CERS3: variants seen among roughly 807,000 people sequenced by gnomAD.
CERS3 encodes the protein ceramide synthase 3, also known as LAG1 homolog, ceramide synthase 3.
A neutral mutation model predicts 50.3 loss-of-function variants in CERS3; 33 were observed. The observed-to-expected ratio is 0.66, with a 90% confidence interval of 0.50 to 0.88. CERS3 has a LOEUF of 0.88. Ranked by LOEUF, CERS3 falls within the 40% of genes least tolerant of loss-of-function variation. The pLI is 0.00. For missense variants in CERS3, 470 were observed against 460.3 expected (o/e 1.02, Z -0.19); for synonymous variants, 176 against 155.2 (o/e 1.13, Z -0.99).
chr15:100,498,353 GAAGA>G (rs1045196028), intron 3 of CERS3, among the ~76,000 whole-genome samples: 3 of 152,122 alleles, frequency 2.0e-5, no homozygotes, highest in Non-Finnish European at 4.4e-5. Context: ...AAGAAGGAGA[GAAGA>G]AAGAAGCACA....
intron 11 of CERS3, among the ~76,000 whole-genome samples, chr15:100,417,047 C>A (rs144211933): frequency 2.0e-5 from 3 of 152,248 alleles, no homozygotes; most frequent in Non-Finnish European, 4.4e-5. Flanking sequence ...CCAGTCAGAA[C>A]GGCTATGAAT....
chr15:100,477,556 C>G (rs975833001), intron 7 of CERS3, among the ~76,000 whole-genome samples: 4 of 152,142 alleles, frequency 2.6e-5, no homozygotes, highest in African/African-American at 7.2e-5. Flanking sequence ...AAGAAAAATG[C>G]ACTAGAGCGA....
intron 2 of CERS3, among the ~76,000 whole-genome samples, chr15:100,502,960 G>A (rs543597558): frequency 1.3e-5 from 2 of 152,286 alleles, no homozygotes; most frequent in Non-Finnish European, 2.9e-5. Context: ...GGAAAATGGG[G>A]AAGAAGGAAT....
chr15:100,447,685 T>A (rs1347835306), intron 11 of CERS3, among the ~76,000 whole-genome samples: 1 of 152,220 alleles, frequency 6.6e-6, no homozygotes, highest in African/African-American at 2.4e-5. Flanking sequence ...AATGAAACAT[T>A]TCCTGGTCCC....
chr15:100,461,066 AG>A (rs2034533382), intron 10 of CERS3, among the ~76,000 whole-genome samples: 3 of 152,150 alleles, frequency 2.0e-5, no homozygotes, highest in Admixed American at 1.3e-4. Context: ...AGGCCTTGCA[AG>A]TCAGGGTGGA....
At chr15:100,483,142 T>C (rs72759134) in intron 5 of CERS3, among the ~76,000 whole-genome samples, 6,313 of 152,306 alleles carry the variant, frequency 0.041, 183 homozygotes, top group Non-Finnish European at 0.055. Context: ...GTCCAACCTA[T>C]GTCTTCCCTT....
chr15:100,502,756 C>T (rs1274965598), intron 2 of CERS3, among the ~76,000 whole-genome samples: 2 of 151,922 alleles, frequency 1.3e-5, no homozygotes, highest in East Asian at 1.9e-4. Context: ...ATAATAGTCT[C>T]GTAAGCAAGG....
chr15:100,426,839 T>C (rs770395553), intron 11 of CERS3, among the ~76,000 whole-genome samples: 8 of 152,192 alleles, frequency 5.3e-5, no homozygotes, highest in Non-Finnish European at 8.8e-5. Flanking sequence ...ATTTAGCAAA[T>C]GGTACTCCCA....
In CERS3 at chr15:100,458,912, C is replaced by A. The variant is rs75414426; in HGVS notation, c.846-2866G>T. 1.2e-4 allele frequency among the ~76,000 whole-genome samples: 19 copies of A among 152,274 alleles called. No individual in the cohort carries two copies. In the East Asian group the frequency reaches 3.7e-3, roughly 29 times the overall value. On this transcript the variant is annotated intron_variant, in intron 10 of 11. Transcript: ENST00000679737. The stretch of plus-strand genomic sequence containing the variant: ...AACAAAGCTACATATCAAGAGTTAG[C>A]AAACTTGTTTGTAAAGGAAAAGATA...
In CERS3 at chr15:100,479,491, A is replaced by G. The variant is rs1485933543; in HGVS notation, c.466-13T>C. ...ATAGCCAAGGTTTCTGAAAGAAGAA[A>G]AAAAAAAAGAGCCAACAGATGAGAA... On this transcript the variant is annotated splice_polypyrimidine_tract_variant and intron_variant, in intron 6 of 11. Coordinates refer to ENST00000679737, the MANE Select transcript of CERS3 (RefSeq NM_001378789.1). The G allele has an allele frequency of 4.4e-6, 7 of 1,583,802 alleles. No homozygotes were observed. Among genetic ancestry groups the G allele is most frequent in the Middle Eastern group, 1.7e-4 (1 of 5,884 alleles).
intron 11 of CERS3, among the ~76,000 whole-genome samples, chr15:100,415,055 C>T (rs921752246): frequency 1.3e-5 from 2 of 152,070 alleles, no homozygotes; most frequent in Non-Finnish European, 1.5e-5. Context: ...GGGCTAATAT[C>T]CAGAACCTAC....
chr15:100,406,885 T>C (rs1302716278), intron 11 of CERS3, among the ~76,000 whole-genome samples: 1 of 152,170 alleles, frequency 6.6e-6, no homozygotes, highest in Non-Finnish European at 1.5e-5. Flanking sequence ...CTCACAATCA[T>C]GGCAGAAAGC....
intron 3 of CERS3, among the ~76,000 whole-genome samples, chr15:100,499,648 A>G: frequency 6.6e-6 from 1 of 152,212 alleles, no homozygotes; most frequent in East Asian, 1.9e-4. Context: ...AGAACAAAAG[A>G]AGGAAGCTTT....
rs976625743 is a variant in CERS3 at position 100,417,089 on chromosome 15, C to T, written c.1000-14224G>A. On this transcript the variant is annotated intron_variant, in intron 11 of 11. Transcript: ENST00000679737. ...AAAATAGTGGAGGAGCCAAGATGTC[C>T]GAATAGGAACAGCTCTGGTCTACAG... Among the ~76,000 whole-genome samples, 10 of 152,140 alleles carry T rather than the reference C, an allele frequency of 6.6e-5. No individual in the cohort carries two copies. In the East Asian group the frequency reaches 7.7e-4, roughly 12 times the overall value.
At chr15:100,464,943 T>C (rs900613946) in intron 10 of CERS3, among the ~76,000 whole-genome samples, 1 of 152,128 alleles carries the variant, frequency 6.6e-6, no homozygotes, top group African/African-American at 2.4e-5. Context: ...AAGAGTGCAG[T>C]GGCTGGACAT....
intron 9 of CERS3, among the ~76,000 whole-genome samples, chr15:100,471,959 A>T (rs2034982066): frequency 6.6e-6 from 1 of 152,152 alleles, no homozygotes; most frequent in Non-Finnish European, 1.5e-5. Flanking sequence ...TTGAAAAAGC[A>T]AAAAACAAAA....
At chr15:100,420,418 T>A (rs1260756559) in intron 11 of CERS3, among the ~76,000 whole-genome samples, 2 of 152,088 alleles carry the variant, frequency 1.3e-5, no homozygotes, top group Non-Finnish European at 2.9e-5. Context: ...AATAACAGGA[T>A]CTGAAATTGT....
At chr15:100,483,014 C>T (rs993471595) in intron 5 of CERS3, among the ~76,000 whole-genome samples, 1 of 152,142 alleles carries the variant, frequency 6.6e-6, no homozygotes, top group African/African-American at 2.4e-5. Flanking sequence ...TATTCATGGG[C>T]CCACTTACTG....
At chr15:100,465,167 G>C (rs1375490022) in intron 10 of CERS3, among the ~76,000 whole-genome samples, 1 of 151,980 alleles carries the variant, frequency 6.6e-6, no homozygotes, top group Non-Finnish European at 1.5e-5. Flanking sequence ...CTGGAAAGAA[G>C]AACAGAGCAA....
Sources: allele counts gnomAD v4.1 joint callset (sites outside exome capture counted in the v4.1 genomes callset), GRCh38; gene constraint gnomAD v4.1.1; transcripts MANE v1.5; gene names NCBI Gene and HGNC (gene_info 2026-07-23, HGNC 2026-07-21).